Variants in PRORP observed in about 807,000 individuals in gnomAD.
PRORP encodes the protein protein only RNase P catalytic subunit, also known as mitochondrial ribonuclease P catalytic subunit.
PRORP carries 51 observed loss-of-function variants against 59.4 expected under a neutral mutation model. That is an observed-to-expected ratio of 0.86 (90% CI 0.69 to 1.08). PRORP has a LOEUF of 1.08. Ranked by LOEUF, PRORP falls within the 50% of genes least tolerant of loss-of-function variation. The pLI is 0.00. For missense variants in PRORP, 646 were observed against 690.3 expected (o/e 0.94, Z 0.72); for synonymous variants, 231 against 245.6 (o/e 0.94, Z 0.55).
chr14:35,236,310 A>G (rs767243228), intron 5 of PRORP, among the ~76,000 whole-genome samples: 34 of 152,184 alleles, frequency 2.2e-4, no homozygotes, highest in Admixed American at 3.9e-4. Context: ...TCTTTGAGAC[A>G]TGCTTTTCTG....
chr14:35,266,802 C>A lies in PRORP; in HGVS notation c.1351C>A (p.Arg451=), dbSNP rs757863122. Residue 451 remains arginine, a synonymous_variant, in exon 6 of 8, where the codon CGG becomes AGG. Coordinates refer to ENST00000534898, the MANE Select transcript of PRORP (RefSeq NM_014672.4). ...LVLGRKHMLR[R]SSQWSRDEME... ...CCTAGGCCGGAAGCACATGCTAAGA[C>A]GGAGTTCCCAGTGGAGTCGGGATGA... 1.2e-6 allele frequency: 2 copies of A among 1,614,096 alleles called. No individual in the cohort carries two copies. The highest frequency in any genetic ancestry group is 1.7e-6 in the Non-Finnish European group (2 of 1,180,000).
chr14:35,153,779 T>C (rs368348425), intron 4 of PRORP, among the ~76,000 whole-genome samples: 12 of 152,340 alleles, frequency 7.9e-5, no homozygotes, highest in Non-Finnish European at 1.5e-4. Flanking sequence ...TTGGTATATG[T>C]AGAGTGCATT....
rs375449168 is a variant in PRORP, at chr14:35,180,341, A to C, written c.1168-329A>C. The stretch of plus-strand genomic sequence containing the variant: ...TCGGCCATCTTGGAACCGCCAGTTC[A>C]TTCTTATCATAACTATCATGTGGGT... On this transcript the variant is annotated intron_variant, in intron 4 of 7. Transcript: ENST00000534898. Among the ~76,000 whole-genome samples, 38 of 152,308 alleles carry C rather than the reference A, an allele frequency of 2.5e-4. No individual in the cohort carries two copies. The South Asian group carries it at 2.7e-3, about 11-fold the overall frequency.
At chr14:35,269,601 GC>G (rs1375617809) in intron 6 of PRORP, among the ~76,000 whole-genome samples, 1 of 152,086 alleles carries the variant, frequency 6.6e-6, no homozygotes, top group Non-Finnish European at 1.5e-5. Flanking sequence ...CCATCATTTT[GC>G]TAATTTTGTT....
chr14:35,136,503 T>A (rs1396354121), intron 4 of PRORP, among the ~76,000 whole-genome samples: 2 of 144,940 alleles, frequency 1.4e-5, no homozygotes, highest in Non-Finnish European at 3.1e-5. Context: ...GCCGCCTGAG[T>A]AGCTGGGATT....
intron 5 of PRORP, among the ~76,000 whole-genome samples, chr14:35,183,419 T>C (rs771702513): frequency 1.3e-5 from 2 of 152,290 alleles, no homozygotes; most frequent in South Asian, 2.1e-4. Flanking sequence ...AAAAGCATTC[T>C]TGATAAATAT....
chr14:35,182,849 T>C (rs1477678950), intron 5 of PRORP, among the ~76,000 whole-genome samples: 2 of 152,184 alleles, frequency 1.3e-5, no homozygotes, highest in Non-Finnish European at 2.9e-5. Context: ...TAACTTTCAT[T>C]ATCTAAAATA....
chr14:35,133,648 T>C (rs2047304794), intron 4 of PRORP, among the ~76,000 whole-genome samples: 1 of 152,174 alleles, frequency 6.6e-6, no homozygotes, highest in Non-Finnish European at 1.5e-5. Context: ...TGAGAAGGCT[T>C]TCCAGATACT....
chr14:35,191,082 A>T (rs1218614400), intron 5 of PRORP, among the ~76,000 whole-genome samples: 2 of 152,160 alleles, frequency 1.3e-5, no homozygotes, highest in South Asian at 4.1e-4. Context: ...TGCACCTGTT[A>T]TATGATTTGG....
In PRORP at chr14:35,163,408, C is replaced by T. The variant is rs546850272; in HGVS notation, c.1168-17262C>T. Among the ~76,000 whole-genome samples the T allele has an allele frequency of 2.6e-5, 4 of 152,126 alleles. No homozygotes were observed. The East Asian group carries it at 5.8e-4, about 22-fold the overall frequency. ...CTCATGACCTAGTAAGGTGTTGTGA[C>T]CTGCAGTTAAAAAAACACCTTATTA... On this transcript the variant is annotated intron_variant, in intron 4 of 7. Transcript: ENST00000534898.
chr14:35,177,016 T>G (rs573107280), intron 4 of PRORP, among the ~76,000 whole-genome samples: 7 of 152,352 alleles, frequency 4.6e-5, no homozygotes, highest in African/African-American at 1.7e-4. Context: ...GTTTTTGTCT[T>G]TGGTTCTGTT....
At chr14:35,221,750 C>A (rs988072092) in intron 5 of PRORP, among the ~76,000 whole-genome samples, 1 of 152,158 alleles carries the variant, frequency 6.6e-6, no homozygotes, top group Non-Finnish European at 1.5e-5. Flanking sequence ...CTTTTCTGAG[C>A]GGTTGTTCTG....
chr14:35,210,891 G>T (rs557025816), intron 5 of PRORP, among the ~76,000 whole-genome samples: 1 of 149,442 alleles, frequency 6.7e-6, no homozygotes, highest in South Asian at 2.1e-4. Flanking sequence ...AGCCTCCCAA[G>T]TAGCTGAGAC....
At chr14:35,154,216 AC>A in intron 4 of PRORP, among the ~76,000 whole-genome samples, 1 of 152,194 alleles carries the variant, frequency 6.6e-6, no homozygotes, top group East Asian at 1.9e-4. Context: ...GCACAGTAGA[AC>A]AGGAAGTTGT....
At chr14:35,249,390 T>G (rs1469858081) in intron 5 of PRORP, among the ~76,000 whole-genome samples, 2 of 152,048 alleles carry the variant, frequency 1.3e-5, no homozygotes, top group African/African-American at 4.8e-5. Context: ...AAGACCAGCC[T>G]GGGCAACATC....
At chr14:35,174,627 C>T (rs781678518) in intron 4 of PRORP, among the ~76,000 whole-genome samples, 8 of 152,032 alleles carry the variant, frequency 5.3e-5, no homozygotes, top group Non-Finnish European at 2.9e-5. Context: ...AGGACCTATA[C>T]GTTTTACAGC....
rs1321596572 is a variant in PRORP, at chr14:35,259,872, CG to C, written c.1276-6853del. Among the ~76,000 whole-genome samples the C allele has an allele frequency of 1.9e-4, 29 of 152,046 alleles. No individual in the cohort carries two copies. The East Asian group carries it at 5.6e-3, about 29-fold the overall frequency. ...ATCAGACTACTGCACTCCAGCCTGG[CG>C]GACAGCGAGATTCTGTCTCAAAAAA... On this transcript the variant is annotated intron_variant, in intron 5 of 7. Transcript: ENST00000534898.
chr14:35,223,416 T>G (rs1233925102), intron 5 of PRORP, among the ~76,000 whole-genome samples: 1 of 151,684 alleles, frequency 6.6e-6, no homozygotes, highest in African/African-American at 2.4e-5. Context: ...GACACTTGCC[T>G]CCTTGTATTA....
At chr14:35,158,917 A>G (rs533357078) in intron 4 of PRORP, 41 of 310,028 alleles carry the variant, frequency 1.3e-4, no homozygotes, top group African/African-American at 8.7e-4. Flanking sequence ...TGGATTTCCC[A>G]CCACCGTAAG....
Sources: allele counts gnomAD v4.1 joint callset (sites outside exome capture counted in the v4.1 genomes callset), GRCh38; gene constraint gnomAD v4.1.1; transcripts MANE v1.5; gene names NCBI Gene and HGNC (gene_info 2026-07-23, HGNC 2026-07-21).